Variants in CHCHD3 observed in about 807,000 individuals in gnomAD.
CHCHD3 encodes coiled-coil-helix-coiled-coil-helix domain containing 3, also known as MICOS complex subunit MIC19.
A neutral mutation model predicts 38.2 loss-of-function variants in CHCHD3; 20 were observed. The observed-to-expected ratio is 0.52, with a 90% CI of 0.37 to 0.76. The LOEUF (loss-of-function observed/expected upper bound fraction) is 0.76, where lower values mean the gene tolerates loss of function less well. CHCHD3 is among the 30% of genes least tolerant of loss of function. The pLI is 0.00. For synonymous variants in CHCHD3, 82 were observed against 100.0 expected, an observed-to-expected ratio of 0.82 and a Z score of 1.07; for missense variants, 245 against 279.2, an observed-to-expected ratio of 0.88 and a Z score of 0.87.
intron 6 of CHCHD3, among the ~76,000 whole-genome samples, chr7:132,810,496 A>G (rs1279852006): frequency 6.6e-6 from 1 of 152,236 alleles, no homozygotes; most frequent in Non-Finnish European, 1.5e-5. Context: ...GGCAAGATTT[A>G]GCAAATTGGC....
intron 2 of CHCHD3, among the ~76,000 whole-genome samples, chr7:133,054,123 A>G (rs1814245647): frequency 6.6e-6 from 1 of 152,238 alleles, no homozygotes; most frequent in Non-Finnish European, 1.5e-5. Context: ...CTACCTCTTC[A>G]TTCTGAAGGT....
chr7:132,869,430 CA>C (rs1047567011), intron 5 of CHCHD3, among the ~76,000 whole-genome samples: 1 of 152,112 alleles, frequency 6.6e-6, no homozygotes, highest in African/African-American at 2.4e-5. Context: ...TAGGGTGATT[CA>C]ACAAAACAGA....
intron 4 of CHCHD3, among the ~76,000 whole-genome samples, chr7:132,925,560 T>C (rs1229734143): frequency 6.6e-6 from 1 of 152,220 alleles, no homozygotes; most frequent in Non-Finnish European, 1.5e-5. Context: ...AGTTACACCT[T>C]CAGGACAGTA....
intron 6 of CHCHD3, among the ~76,000 whole-genome samples, chr7:132,835,645 A>G (rs1807762684): frequency 6.6e-6 from 1 of 152,178 alleles, no homozygotes; most frequent in Non-Finnish European, 1.5e-5. Context: ...ATCTTTCTCT[A>G]TGAAATCCAC....
At chr7:133,032,922 C>A (rs1420179463) in intron 2 of CHCHD3, among the ~76,000 whole-genome samples, 1 of 152,126 alleles carries the variant, frequency 6.6e-6, no homozygotes, top group Non-Finnish European at 1.5e-5. Flanking sequence ...AACTATAATA[C>A]AGTGTTAACT....
chr7:133,069,381 G>C (rs1814756291), intron 2 of CHCHD3, among the ~76,000 whole-genome samples: 1 of 152,098 alleles, frequency 6.6e-6, no homozygotes, highest in Non-Finnish European at 1.5e-5. Context: ...CAATTTCACA[G>C]TCTATAGCCA....
chr7:132,949,460 G>GTTC (rs1278616309), intron 4 of CHCHD3, among the ~76,000 whole-genome samples: 1 of 152,080 alleles, frequency 6.6e-6, no homozygotes, highest in Non-Finnish European at 1.5e-5. Context: ...AAAATCACAA[G>GTTC]TTCCATCTTC....
rs559546003 is a variant in CHCHD3, at chr7:132,973,967, G to A, written c.369+1202C>T. The A allele has an allele frequency of 1.5e-3, 1,980 of 1,286,744 alleles. 8 individuals carry two copies. The highest frequency in any genetic ancestry group is 1.6e-3 in the South Asian group (126 of 80,480). 79.7% of individuals were successfully genotyped at this position (1,286,744 alleles called of 1,614,324 possible). On this transcript the variant is annotated intron_variant, in intron 4 of 7. Coordinates refer to ENST00000262570, the MANE Select transcript of CHCHD3 (RefSeq NM_017812.4). ...TAACATCTGGGTTTCTAGGAAGGCC[G>A]AAGTGGAGGCTAAGCAGTCAACACT...
chr7:132,886,925 G>A (rs1164102405), intron 4 of CHCHD3: 6 of 1,192,074 alleles, frequency 5.0e-6, no homozygotes, highest in Non-Finnish European at 6.4e-6. Flanking sequence ...TATCTGCTTA[G>A]TTTAGGTGAA....
chr7:133,026,750 C>A (rs374089643), intron 2 of CHCHD3, among the ~76,000 whole-genome samples: 3 of 152,048 alleles, frequency 2.0e-5, no homozygotes, highest in African/African-American at 7.3e-5. Flanking sequence ...GAAAACACTA[C>A]GCTAAGGGAA....
At chr7:132,981,205 ATGGTCTTGAACTGGGCTCAAG>A (rs954654431) in intron 3 of CHCHD3, among the ~76,000 whole-genome samples, 13 of 151,682 alleles carry the variant, frequency 8.6e-5, no homozygotes, top group East Asian at 1.9e-4. Flanking sequence ...TGTTGTCCAC[ATGGTCTTGAACTGGGCTCAAG>A]TGGTCTTGAA....
At chr7:132,971,719 A>G (rs1455793281) in intron 4 of CHCHD3, among the ~76,000 whole-genome samples, 1 of 152,206 alleles carries the variant, frequency 6.6e-6, no homozygotes, top group Admixed American at 6.5e-5. Flanking sequence ...CTGAAAGACA[A>G]CTTTTTAATT....
chr7:133,063,983 C>G (rs924705326), intron 2 of CHCHD3, among the ~76,000 whole-genome samples: 10 of 152,208 alleles, frequency 6.6e-5, no homozygotes, highest in Non-Finnish European at 2.9e-5. Flanking sequence ...TGATGCCAGG[C>G]CTGCCTGCCA....
intron 4 of CHCHD3, among the ~76,000 whole-genome samples, chr7:132,956,082 C>T (rs1022627495): frequency 3.3e-5 from 5 of 152,190 alleles, no homozygotes; most frequent in African/African-American, 9.7e-5. Flanking sequence ...TCAGTTGAAT[C>T]CATAAGAGAG....
chr7:132,869,137 A>G (rs1808703353), intron 5 of CHCHD3, among the ~76,000 whole-genome samples: 1 of 152,174 alleles, frequency 6.6e-6, no homozygotes, highest in African/African-American at 2.4e-5. Context: ...CTCACATTAC[A>G]TTATTAGAGG....
At chr7:132,938,263 C>G (rs1810679339) in intron 4 of CHCHD3, among the ~76,000 whole-genome samples, 3 of 152,094 alleles carry the variant, frequency 2.0e-5, no homozygotes, top group Admixed American at 1.3e-4. Flanking sequence ...GAATCATACC[C>G]TATTTAACAG....
intron 2 of CHCHD3, among the ~76,000 whole-genome samples, chr7:133,042,771 T>A (rs1449219293): frequency 6.6e-6 from 1 of 152,260 alleles, no homozygotes; most frequent in African/African-American, 2.4e-5. Flanking sequence ...CTGTAACTTG[T>A]ATGTTACATA....
At position 133,070,224 on chromosome 7, in the gene CHCHD3, C is replaced by T. The variant is rs769104082; in HGVS notation, c.87G>A (p.Ser29=). The T allele has an allele frequency of 7.4e-6, 12 of 1,613,004 alleles. No individual in the cohort carries two copies. Among genetic ancestry groups the T allele is most frequent in the East Asian group, 4.5e-5 (2 of 44,818 alleles). ...NITVVKGIRL[S]ENVIDRMKES... is the part of the protein sequence containing the mutation. ...CCTTCATTCGATCAATCACATTTTC[C>T]GAAAGCTGGAAAAGCAACATCAAAA... The change falls in exon 2 of 8, where the codon TCG becomes TCA. Residue 29 remains serine (S), a synonymous_variant. Transcript: ENST00000262570.
Position 133,035,698 on chromosome 7 carries a change from T to C in CHCHD3, c.170-11071A>G. On this transcript the variant is annotated intron_variant, in intron 2 of 7. Transcript: ENST00000262570. The surrounding 1 kb of genome is among the most constrained non-coding windows in gnomAD (Gnocchi z 4.7). ...TCCTCATTGCTCACATAGTAGGCAA[T>C]GGCGTTGCTCTCAAACACACAGAAT... 2 of 1,613,426 alleles carry C rather than the reference T, an allele frequency of 1.2e-6. No homozygotes were observed. Among genetic ancestry groups the C allele is most frequent in the Admixed American group, 1.7e-5 (1 of 60,000 alleles).
Sources: gnomAD v4.1 joint callset for allele counts (sites outside exome capture counted in the v4.1 genomes callset) on GRCh38, gnomAD v4.1.1 for gene constraint, Gnocchi (gnomAD v3.1) non-coding constraint, MANE v1.5 for transcripts, NCBI Gene and HGNC (gene_info 2026-07-23, HGNC 2026-07-21) for gene names.